CACNA1E: variants seen among roughly 807,000 people sequenced by gnomAD.
CACNA1E encodes the protein voltage-dependent R-type calcium channel subunit alpha-1E.
CACNA1E carries 40 observed loss-of-function variants against 259.2 expected under a neutral mutation model. The observed-to-expected ratio is 0.15, with a 90% CI of 0.12 to 0.20. CACNA1E has a LOEUF of 0.20. CACNA1E is among the 10% of genes least tolerant of loss of function. CACNA1E has a pLI of 1.00. For missense variants in CACNA1E, 1,874 were observed against 3,040.1 expected (o/e 0.62, Z 9.02); for synonymous variants, 1,104 against 1,138.5 (o/e 0.97, Z 0.61).
Position 181,472,953 on chromosome 1 carries a change from G to A in CACNA1E, c.435-10791G>A, listed in dbSNP as rs971094142. On this transcript the variant is annotated intron_variant, in intron 2 of 11. Coordinates refer to the CACNA1E transcript ENST00000524607. ...GTTTTACCTGCTGGAGTGCAGGCAG[G>A]AAAACTAGTTGAGATGCAGGAGGAT... Among the ~76,000 whole-genome samples the A allele has an allele frequency of 2.6e-5, 4 of 152,250 alleles. No individual in the cohort carries two copies. The East Asian group carries it at 7.7e-4, about 29-fold the overall frequency.
At chr1:181,778,265 C>T (rs891380586) in intron 38 of CACNA1E, among the ~76,000 whole-genome samples, 18 of 152,158 alleles carry the variant, frequency 1.2e-4, no homozygotes, top group African/African-American at 4.3e-4. Flanking sequence ...AGTCTATAGC[C>T]ACTCCCAACC....
In CACNA1E at chr1:181,785,314, C is replaced by T; in HGVS notation, c.5579-4C>T. On this transcript the variant is annotated splice_region_variant and splice_polypyrimidine_tract_variant and intron_variant, in intron 41 of 47. Transcript: ENST00000367573. ...TCACCATCATGCCACATTTGTGTTT[C>T]TAGCCTCTGACCTGACTGTGGGCAA... is the stretch of plus-strand genomic sequence containing the variant. The T allele has an allele frequency of 6.3e-7, 1 of 1,588,356 alleles. No homozygotes were observed. The highest frequency in any genetic ancestry group is 8.6e-7 in the Non-Finnish European group (1 of 1,156,950).
chr1:181,585,488 T>A (rs550129204), intron 6 of CACNA1E, among the ~76,000 whole-genome samples: 5 of 152,288 alleles, frequency 3.3e-5, no homozygotes, highest in African/African-American at 9.6e-5. Context: ...CCGGCCCTCA[T>A]GGAACTTATA....
At chr1:181,569,207 A>G (rs1444729075) in intron 3 of CACNA1E, among the ~76,000 whole-genome samples, 1 of 152,190 alleles carries the variant, frequency 6.6e-6, no homozygotes, top group Non-Finnish European at 1.5e-5. Context: ...CATGATCACC[A>G]TCTTCTCTAC....
chr1:181,578,424 G>A (rs1651190791), intron 4 of CACNA1E, among the ~76,000 whole-genome samples: 1 of 152,110 alleles, frequency 6.6e-6, no homozygotes, highest in Non-Finnish European at 1.5e-5. Flanking sequence ...AAATGTAGCT[G>A]AGCATGGCAG....
Position 181,732,770 on chromosome 1 carries a change from C to T in CACNA1E, c.2684C>T (p.Thr895Ile). 6.3e-7 allele frequency: 1 copy of T among 1,580,626 alleles called. No homozygotes were observed. The highest frequency in any genetic ancestry group is 1.7e-4 in the Middle Eastern group (1 of 5,876). Residue 895 changes from threonine to isoleucine, a missense_variant, in exon 20 of 48, where the codon ACT becomes ATT. Thr to Ile is a moderately conservative substitution (Grantham distance 89). Around this residue, in one of 14 missense-constraint regions of CACNA1E, gnomAD observed 476 missense variants for 514.0 expected, o/e 0.93. Transcript: ENST00000367573. This position sits in a 1 kb window ranked among gnomAD's most constrained non-coding sequence, Gnocchi z 5.5. ...CCCTGTCATGGAAACTGTGACCCGA[C>T]TCAGCAGGAGGCAGGGGGAGGAGAG... is the stretch of plus-strand genomic sequence containing the variant. ...ARPCHGNCDP[T>I]QQEAGGGEAV...
chr1:181,807,303 C>T lies in CACNA1E; in HGVS notation c.*8469C>T, dbSNP rs1662700165. ...GGCAGAGAACTTCCTTATGGAACAA[C>T]AGGGCTCTGTGACCAGAAAAACTAT... On this transcript the variant is annotated 3_prime_UTR_variant, in exon 48 of 48. Transcript: ENST00000367573. 1 of 151,972 alleles carries T rather than the reference C, an allele frequency of 6.6e-6. No individual in the cohort carries two copies. The highest frequency in any genetic ancestry group is 1.5e-5 in the Non-Finnish European group (1 of 68,028). The allele number at this position is 151,972 out of a possible 1,614,324, so 9.4% of individuals were successfully genotyped here. A position where few individuals can be genotyped will look rare whatever the true frequency, so the allele number is the denominator to read the frequency against.
intron 7 of CACNA1E, among the ~76,000 whole-genome samples, chr1:181,678,088 C>T (rs2102243371): frequency 6.6e-6 from 1 of 152,252 alleles, no homozygotes; most frequent in East Asian, 1.9e-4. Flanking sequence ...TGGATGAGGA[C>T]ACTTGCTTGT....
At chr1:181,469,214 T>C (rs779862158) in intron 2 of CACNA1E, among the ~76,000 whole-genome samples, 2 of 152,168 alleles carry the variant, frequency 1.3e-5, no homozygotes, top group Non-Finnish European at 2.9e-5. Flanking sequence ...GAGGAGACTC[T>C]GCCCATCTCC....
chr1:181,758,778 C>G lies in CACNA1E; in HGVS notation c.4515C>G (p.Thr1505=), dbSNP rs753384637. ...LMMKYYSAPC[T]YELALKYLNI... ...GGCAGTATTATTCTGCTCCCTGTAC[C>G]TATGAGCTGGCCCTGAAGTACCTGA... Residue 1505 remains threonine (T), a synonymous_variant, in exon 32 of 48, where the codon ACC becomes ACG. Coordinates refer to ENST00000367573, the MANE Select transcript of CACNA1E (RefSeq NM_001205293.3). The surrounding 1 kb of genome is among the most constrained non-coding windows in gnomAD (Gnocchi z 4.2). The G allele has an allele frequency of 7.5e-6, 12 of 1,602,966 alleles. No homozygotes were observed. Among genetic ancestry groups the G allele is most frequent in the Non-Finnish European group, 1.0e-5 (12 of 1,169,914 alleles).
intron 1 of CACNA1E, among the ~76,000 whole-genome samples, chr1:181,343,397 A>G (rs140264370): frequency 4.6e-4 from 70 of 152,100 alleles, no homozygotes; most frequent in African/African-American, 1.7e-3. Flanking sequence ...TTCTTGCTCT[A>G]CTAGTTCACG....
In CACNA1E at chr1:181,785,416, C is replaced by G. The variant is rs768172934; in HGVS notation, c.5677C>G (p.Gln1893Glu). Residue 1893 changes from glutamine to glutamate, a missense_variant and splice_region_variant, in exon 42 of 48, where the codon CAG becomes GAG. Physicochemically the swap from Gln to Glu is conservative, Grantham distance 29. Transcript: ENST00000367573. ...VKKQRQQLEE[Q>E]KNAPMFQRME... Reference sequence around the variant, plus strand: ...GAAGCAGAGGCAGCAGCTGGAGGAACAGGTGAAAGTCAATGCCAGCATGCT... The same window carrying G: ...GAAGCAGAGGCAGCAGCTGGAGGAAGAGGTGAAAGTCAATGCCAGCATGCT... 4.4e-6 allele frequency: 7 copies of G among 1,600,398 alleles called. No homozygotes were observed. In the South Asian group the frequency reaches 5.5e-5, roughly 13 times the overall value.
intron 6 of CACNA1E, among the ~76,000 whole-genome samples, chr1:181,641,323 C>T (rs1041571371): frequency 2.6e-5 from 4 of 152,166 alleles, no homozygotes; most frequent in East Asian, 1.9e-4. Context: ...GAAGAGTTCA[C>T]GGGGACTGAG....
At chr1:181,767,943 AT>A (rs983519867) in intron 35 of CACNA1E, among the ~76,000 whole-genome samples, 2 of 152,174 alleles carry the variant, frequency 1.3e-5, no homozygotes, top group Admixed American at 6.5e-5. Context: ...TTCAAAATTG[AT>A]TTTTTATTGA....
chr1:181,769,273 G>A (rs1314669199), intron 35 of CACNA1E, among the ~76,000 whole-genome samples: 1 of 151,396 alleles, frequency 6.6e-6, no homozygotes, highest in Non-Finnish European at 1.5e-5. Flanking sequence ...TTTTCTATGA[G>A]GCCTCAGCAT....
At chr1:181,790,033 T>G (rs183052355) in intron 43 of CACNA1E, among the ~76,000 whole-genome samples, 4 of 152,322 alleles carry the variant, frequency 2.6e-5, no homozygotes, top group Admixed American at 2.6e-4. Flanking sequence ...ATATTCTTAC[T>G]GCGAGTAGGG....
chr1:181,322,287 T>C (rs1023116005), intron 1 of CACNA1E, among the ~76,000 whole-genome samples: 1 of 151,274 alleles, frequency 6.6e-6, no homozygotes. Context: ...ATCTGAGCAG[T>C]GGGGGAAGAG....
chr1:181,749,720 A>G lies in CACNA1E; in HGVS notation c.3720-756A>G, dbSNP rs72735251. Among the ~76,000 whole-genome samples the G allele has an allele frequency of 8.2e-4, 125 of 152,350 alleles. 1 individual carries two copies. Among genetic ancestry groups the G allele is most frequent in the Non-Finnish European group, 1.5e-3 (100 of 68,034 alleles). ...GAAGTTGTCATTATTTCTATCTTGA[A>G]GATATTTATGCCCTGACTTATTTTA... On this transcript the variant is annotated intron_variant, in intron 25 of 47. Transcript: ENST00000367573.
chr1:181,786,390 G>A (rs1012614177), intron 43 of CACNA1E, among the ~76,000 whole-genome samples: 7 of 151,344 alleles, frequency 4.6e-5, no homozygotes, highest in East Asian at 3.8e-4. Context: ...GGTTAACTAC[G>A]TTGCCTAAAG....
Sources: allele counts gnomAD v4.1 joint callset (sites outside exome capture counted in the v4.1 genomes callset), GRCh38; gene constraint gnomAD v4.1.1; regional missense constraint gnomAD v4.1.1; non-coding constraint Gnocchi (gnomAD v3.1); transcripts MANE v1.5; gene names NCBI Gene and HGNC (gene_info 2026-07-23, HGNC 2026-07-21).